The following SPTA1 variants were observed in gnomAD, a reference collection of about 807,000 sequenced individuals.
The protein encoded by SPTA1 is spectrin alpha chain, erythrocytic 1.
In SPTA1, 177 loss-of-function variants were observed where a neutral mutation model predicts 324.7. That is an observed-to-expected ratio of 0.55 (90% CI 0.48 to 0.62). SPTA1 has a LOEUF of 0.62. Ranked by LOEUF, SPTA1 falls within the 20% of genes least tolerant of loss-of-function variation. The probability of loss-of-function intolerance (pLI) is 0.00; values close to 1 mark genes in which losing one functional copy is unlikely to be tolerated. For missense variants in SPTA1, 3,162 were observed against 2,883.6 expected (o/e 1.10, Z -2.21); for synonymous variants, 1,195 against 1,041.3 (o/e 1.15, Z -2.84).
rs1651042140 is a variant in SPTA1 at position 158,636,003 on chromosome 1, T to C, written c.5342A>G (p.Asp1781Gly). ...NVLDMAEKLK[D>G]KAAVGQEEIQ... ...CTCCTCTTGCCCCACAGCAGCCTTG[T>C]CTTTCAGCTTCTCTGCCATATCCAG... The change falls in exon 38 of 52, where the codon GAC becomes GGC. Residue 1781 changes from aspartate (D) to glycine (G), a missense_variant. By Grantham distance (94) the Asp-to-Gly change is moderately conservative. Transcript: ENST00000643759. 9 of 1,614,072 alleles carry C rather than the reference T, an allele frequency of 5.6e-6. No homozygotes were observed. Among genetic ancestry groups the C allele is most frequent in the Non-Finnish European group, 6.8e-6 (8 of 1,180,036 alleles).
At position 158,642,505 on chromosome 1, in the gene SPTA1, A is replaced by C; in HGVS notation, c.4643T>G (p.Val1548Gly). 1.9e-6 allele frequency: 3 copies of C among 1,613,590 alleles called. No individual in the cohort carries two copies. Among genetic ancestry groups the C allele is most frequent in the Non-Finnish European group, 2.5e-6 (3 of 1,179,694 alleles). The change falls in exon 33 of 52, where the codon GTC (valine) becomes GGC (glycine). Residue 1548 changes from valine (V) to glycine (G), a missense_variant. Coordinates refer to ENST00000643759, the MANE Select transcript of SPTA1 (RefSeq NM_003126.4). ...ATGCACCTGCTCAGATCGGCCATCGACTTCATGTGCAAAGGTCTGGTGTTT... is the reference window on the plus strand; with the variant it reads ...ATGCACCTGCTCAGATCGGCCATCGCCTTCATGTGCAAAGGTCTGGTGTTT... ...YLKHQTFAHE[V>G]DGRSEQVHGV...
In SPTA1 at chr1:158,634,679, T is replaced by C. The variant is rs898254794; in HGVS notation, c.5433-4A>G. The C allele has an allele frequency of 6.2e-7, 1 of 1,613,936 alleles. No homozygotes were observed. Among genetic ancestry groups the C allele is most frequent in the African/African-American group, 1.3e-5 (1 of 74,934 alleles). ...GGATTCTTCCAACTTAAGTCCTCTA[T>C]AACAAGGTGGCAAGCCCCAGTGAGG... is the stretch of plus-strand genomic sequence containing the variant. On this transcript the variant is annotated splice_polypyrimidine_tract_variant and splice_region_variant and intron_variant, in intron 38 of 51. Coordinates refer to ENST00000643759, the MANE Select transcript of SPTA1 (RefSeq NM_003126.4).
chr1:158,633,815 G>A lies in SPTA1; in HGVS notation c.5565+728C>T, dbSNP rs904453601. 1.6e-4 allele frequency among the ~76,000 whole-genome samples: 24 copies of A among 152,080 alleles called. 1 individual carries two copies. The highest frequency in any genetic ancestry group is 5.3e-4 in the African/African-American group (22 of 41,410). ...AAAAGACTTACAAATAAGATGAGCT[G>A]ATAATTTGAATTATATGTTGTATAG... On this transcript the variant is annotated intron_variant, in intron 39 of 51. Transcript: ENST00000643759.
At chr1:158,657,141 C>T (rs1166741859) in intron 19 of SPTA1, among the ~76,000 whole-genome samples, 4 of 152,174 alleles carry the variant, frequency 2.6e-5, no homozygotes, top group Non-Finnish European at 4.4e-5. Flanking sequence ...ATTAAGGTGT[C>T]TCTATCTTAA....
At chr1:158,641,859 A>G (rs1651608746) in intron 33 of SPTA1, among the ~76,000 whole-genome samples, 1 of 152,204 alleles carries the variant, frequency 6.6e-6, no homozygotes, top group Non-Finnish European at 1.5e-5. Context: ...ACACATGCAC[A>G]CATATGTTTA....
At chr1:158,632,015 TAAC>T (rs1650707048) in intron 39 of SPTA1, among the ~76,000 whole-genome samples, 1 of 152,178 alleles carries the variant, frequency 6.6e-6, no homozygotes, top group Non-Finnish European at 1.5e-5. Flanking sequence ...GCAGCATTAT[TAAC>T]AATAGCCAAG....
At chr1:158,658,869 G>A (rs1653012083) in intron 18 of SPTA1, among the ~76,000 whole-genome samples, 1 of 151,982 alleles carries the variant, frequency 6.6e-6, no homozygotes, top group South Asian at 2.1e-4. Flanking sequence ...GAAGAAAGAA[G>A]TTGTCAACCA....
intron 40 of SPTA1, 30 bp from the exon 41 acceptor site, chr1:158,627,037 A>G: frequency 1.2e-6 from 2 of 1,612,824 alleles, no homozygotes; most frequent in South Asian, 2.2e-5. Flanking sequence ...AAATATATTT[A>G]TAATGTGCAG....
At position 158,617,555 on chromosome 1, in the gene SPTA1, A is replaced by C. The variant is rs1649631373; in HGVS notation, c.6582T>G (p.Ser2194=). The C allele has an allele frequency of 6.2e-7, 1 of 1,613,450 alleles. No homozygotes were observed. The highest frequency in any genetic ancestry group is 8.5e-7 in the Non-Finnish European group (1 of 1,179,546). Residue 2194 remains serine, a synonymous_variant, in exon 47 of 52, where the codon TCT becomes TCG. Coordinates refer to ENST00000643759, the MANE Select transcript of SPTA1 (RefSeq NM_003126.4). ...TACTTACTTTATTTGCTTCCAGCTG[A>C]GATTCCAGAGTTCCTGTTTCTTTGA... ...SLLKETGTLE[S]QLEANKRKQK...
chr1:158,640,051 C>A (rs112292228), intron 33 of SPTA1, 44 bp from the exon 34 acceptor site: 25 of 1,613,246 alleles, frequency 1.5e-5, no homozygotes, highest in Middle Eastern at 3.3e-4. Flanking sequence ...TTTAGGATCC[C>A]GGGCCCTGTG....
Position 158,611,007 on chromosome 1 carries a change from C to A in SPTA1, c.*257G>T. On this transcript the variant is annotated 3_prime_UTR_variant, in exon 52 of 52. Coordinates refer to ENST00000643759, the MANE Select transcript of SPTA1 (RefSeq NM_003126.4). ...CAAATAAAAATAGAAACTTTGACAC[C>A]CCTCAGCAGTGACTAGTTGCATACA... is the stretch of plus-strand genomic sequence containing the variant. 2 of 415,628 alleles carry A rather than the reference C, an allele frequency of 4.8e-6. No individual in the cohort carries two copies. The highest frequency in any genetic ancestry group is 4.3e-5 in the East Asian group (1 of 23,448). The allele number at this position is 415,628 out of a possible 1,614,324, so 25.7% of individuals were successfully genotyped here.
At position 158,617,587 on chromosome 1, in the gene SPTA1, A is replaced by G. The variant is rs367661960; in HGVS notation, c.6550T>C (p.Ser2184Pro). The change falls in exon 47 of 52, where the codon TCA becomes CCA. Residue 2184 changes from serine (S) to proline (P), a missense_variant and splice_region_variant. Coordinates refer to ENST00000643759, the MANE Select transcript of SPTA1 (RefSeq NM_003126.4). ...LETRAYFLDG[S>P]LLKETGTLES... is the part of the protein sequence containing the mutation. ...AGAGTTCCTGTTTCTTTGAGCAATG[A>G]TCTAGTTAAGAACCGAAGGAAATCA... 6.2e-7 allele frequency: 1 copy of G among 1,612,580 alleles called. No individual in the cohort carries two copies. Among genetic ancestry groups the G allele is most frequent in the Non-Finnish European group, 8.5e-7 (1 of 1,178,760 alleles).
At chr1:158,681,199 C>T (rs1654782632) in intron 4 of SPTA1, among the ~76,000 whole-genome samples, 1 of 152,048 alleles carries the variant, frequency 6.6e-6, no homozygotes, top group African/African-American at 2.4e-5. Flanking sequence ...ATACTCTCAG[C>T]CAGACCCCAG....
Position 158,626,967 on chromosome 1 carries a change from T to A in SPTA1, c.5705A>T (p.Lys1902Met), listed in dbSNP as rs368786953. Reference protein sequence around the residue: ...EESQNKEISSKIEALNEKTPS... With the variant: ...EESQNKEISSMIEALNEKTPS... ...GGTCTTTTCATTCAGAGCCTCTATC[T>A]TGGAAGAAATCTCTTTGTTCTGACT... The change falls in exon 41 of 52, where the codon AAG becomes ATG. Residue 1902 changes from lysine to methionine, a missense_variant. Lys to Met is a moderately conservative substitution (Grantham distance 95). Transcript: ENST00000643759. 9 of 1,613,744 alleles carry A rather than the reference T, an allele frequency of 5.6e-6. No individual in the cohort carries two copies. Among genetic ancestry groups the A allele is most frequent in the Non-Finnish European group, 7.6e-6 (9 of 1,179,816 alleles).
intron 15 of SPTA1, among the ~76,000 whole-genome samples, chr1:158,667,337 A>G (rs1653681609): frequency 6.6e-6 from 1 of 152,256 alleles, no homozygotes; most frequent in Non-Finnish European, 1.5e-5. Flanking sequence ...CTCCAAGAAG[A>G]CATGTGAGAT....
At chr1:158,663,058 G>A in intron 16 of SPTA1, 113 bp from the exon 17 acceptor site, 8 of 1,426,894 alleles carry the variant, frequency 5.6e-6, no homozygotes, top group South Asian at 2.4e-5. Flanking sequence ...TATGCATTGT[G>A]TTCTGATCTC....
chr1:158,669,802 T>A lies in SPTA1; in HGVS notation c.1600-16A>T, dbSNP rs1571502567. 2 of 1,613,274 alleles carry A rather than the reference T, an allele frequency of 1.2e-6. No individual in the cohort carries two copies. The highest frequency in any genetic ancestry group is 4.5e-5 in the East Asian group (2 of 44,878). ...TGTCTACAGTCTGAAAAAATAAAAA[T>A]AAAAATGAATGCTTTTCCTTCAGTG... On this transcript the variant is annotated splice_polypyrimidine_tract_variant and intron_variant, in intron 12 of 51. Coordinates refer to ENST00000643759, the MANE Select transcript of SPTA1 (RefSeq NM_003126.4).
rs547583988 is a variant in SPTA1 at position 158,684,675 on chromosome 1, G to A, written c.264+433C>T. ...ATACACTTACATTACCATAATATTT[G>A]TGCTGGATCTGAAAAAAAATTGATG... On this transcript the variant is annotated intron_variant, in intron 2 of 51. Transcript: ENST00000643759. Among the ~76,000 whole-genome samples the A allele has an allele frequency of 5.3e-5, 8 of 152,038 alleles. No homozygotes were observed. The East Asian group carries it at 7.7e-4, about 15-fold the overall frequency.
At position 158,626,137 on chromosome 1, in the gene SPTA1, CA is replaced by C. The variant is rs754961558; in HGVS notation, c.5910+8del. 1.9e-6 allele frequency: 3 copies of C among 1,613,000 alleles called. No individual in the cohort carries two copies. The East Asian group carries it at 6.7e-5, about 36-fold the overall frequency. Reference sequence around the variant, plus strand: ...GGTCTTGGGCTTACCTAACATCTATCAATCTCACCTGTTTTGCCAGAAGAGT... The same window carrying C: ...GGTCTTGGGCTTACCTAACATCTATCATCTCACCTGTTTTGCCAGAAGAGT... On this transcript the variant is annotated splice_region_variant and intron_variant, in intron 42 of 51. Transcript: ENST00000643759.
Sources: allele counts gnomAD v4.1 joint callset (sites outside exome capture counted in the v4.1 genomes callset), GRCh38; gene constraint gnomAD v4.1.1; transcripts MANE v1.5; gene names NCBI Gene and HGNC (gene_info 2026-07-23, HGNC 2026-07-21).